Variants in RYR2 observed in about 807,000 individuals in gnomAD.
RYR2 encodes the protein ryanodine receptor 2, also known as cardiac muscle ryanodine receptor-calcium release channel.
RYR2 carries 227 observed loss-of-function variants against 601.1 expected under a neutral mutation model. That is an observed-to-expected ratio of 0.38 (90% CI 0.34 to 0.42). The LOEUF (loss-of-function observed/expected upper bound fraction) is 0.42, where lower values mean the gene tolerates loss of function less well. RYR2 is among the 10% of genes least tolerant of loss of function. The probability of loss-of-function intolerance (pLI) is 1.00; values close to 1 mark genes in which losing one functional copy is unlikely to be tolerated. For missense variants in RYR2, 4,646 were observed against 6,156.5 expected, an observed-to-expected ratio of 0.75 and a Z score of 8.21; for synonymous variants, 2,223 against 2,175.1, an observed-to-expected ratio of 1.02 and a Z score of -0.61.
intron 1 of RYR2, among the ~76,000 whole-genome samples, chr1:237,217,033 G>T (rs1683266457): frequency 6.6e-6 from 1 of 152,174 alleles, no homozygotes; most frequent in African/African-American, 2.4e-5. Context: ...AAGAAGCAGG[G>T]TTCTTACAAA....
At chr1:237,503,588 T>C (rs1262818174) in intron 22 of RYR2, 83 bp downstream of exon 22, 13 of 1,329,466 alleles carry the variant, frequency 9.8e-6, no homozygotes, top group Middle Eastern at 2.5e-4. Context: ...CCACAACCCA[T>C]AGGAACGAAT....
chr1:237,721,337 G>A (rs1051353774), intron 73 of RYR2, among the ~76,000 whole-genome samples: 1 of 152,068 alleles, frequency 6.6e-6, no homozygotes, highest in African/African-American at 2.4e-5. Context: ...CCTATACAAA[G>A]CTCTATCTGT....
intron 2 of RYR2, among the ~76,000 whole-genome samples, chr1:237,316,606 T>C (rs1305664218): frequency 6.6e-6 from 1 of 152,220 alleles, no homozygotes; most frequent in Admixed American, 6.5e-5. Context: ...GGCAGCACCA[T>C]CTGTGCGTTG....
At chr1:237,520,202 T>C (rs10925439) in intron 24 of RYR2, among the ~76,000 whole-genome samples, 36,223 of 152,144 alleles carry the variant, frequency 0.24, 4,776 homozygotes, top group South Asian at 0.39. Flanking sequence ...TAAGAGTTTT[T>C]TGTGGCATCT....
chr1:237,589,780 T>C lies in RYR2; in HGVS notation c.3599-13T>C, dbSNP rs1420645453. 4 of 1,612,814 alleles carry C rather than the reference T, an allele frequency of 2.5e-6. No homozygotes were observed. In the African/African-American group the frequency reaches 5.3e-5, roughly 22 times the overall value. ...CTAATGGTACTAAAACTTGATTTTT[T>C]TTTTCTTCCCAGGATTCATACCTGT... On this transcript the variant is annotated splice_polypyrimidine_tract_variant and intron_variant, in intron 29 of 104. Coordinates refer to ENST00000366574, the MANE Select transcript of RYR2 (RefSeq NM_001035.3).
At chr1:237,251,554 C>T (rs1687466647) in intron 1 of RYR2, among the ~76,000 whole-genome samples, 1 of 152,162 alleles carries the variant, frequency 6.6e-6, no homozygotes, top group African/African-American at 2.4e-5. Flanking sequence ...AATTCCTCCC[C>T]TCTTTCCAAC....
In RYR2 at chr1:237,660,085, T is replaced by G. The variant is rs749140112; in HGVS notation, c.8298+11T>G. On this transcript the variant is annotated intron_variant, in intron 55 of 104. Transcript: ENST00000366574. ...CTATTGTCTGAAAAGGTAAGGATTTTTTGTTTGTTTTAGTTTGTAAAGTTT... is the reference window on the plus strand; with the variant it reads ...CTATTGTCTGAAAAGGTAAGGATTTGTTGTTTGTTTTAGTTTGTAAAGTTT... The G allele has an allele frequency of 4.8e-6, 7 of 1,458,790 alleles. No individual in the cohort carries two copies. Among genetic ancestry groups the G allele is most frequent in the Non-Finnish European group, 6.4e-6 (7 of 1,095,490 alleles). 90.4% of individuals were successfully genotyped at this position (1,458,790 alleles called of 1,614,324 possible). A position where few individuals can be genotyped will look rare whatever the true frequency, so the allele number is the denominator to read the frequency against.
chr1:237,594,886 G>GTTTTTTTTTTTTTTTTTTT (rs776702428), intron 33 of RYR2, among the ~76,000 whole-genome samples: 4 of 60,420 alleles, frequency 6.6e-5, no homozygotes, highest in Admixed American at 2.3e-4. Flanking sequence ...ATATCACTGG[G>GTTTTTTTTTTTTTTTTTTT]TTTTTTTTTT....
In RYR2 at chr1:237,343,921, A is replaced by G. The variant is rs113403577; in HGVS notation, c.274-12044A>G. Among the ~76,000 whole-genome samples the G allele has an allele frequency of 6.2e-3, 936 of 151,948 alleles. 7 individuals carry two copies. Among genetic ancestry groups the G allele is most frequent in the African/African-American group, 0.022 (908 of 41,432 alleles). ...CTGCAACCTCTGCCTCCTGGTTTAAAGCGATTCTCCTGCCTCAGCCTCCCA... is the reference window on the plus strand; with the variant it reads ...CTGCAACCTCTGCCTCCTGGTTTAAGGCGATTCTCCTGCCTCAGCCTCCCA... On this transcript the variant is annotated intron_variant, in intron 3 of 104. Coordinates refer to ENST00000366574, the MANE Select transcript of RYR2 (RefSeq NM_001035.3).
intron 35 of RYR2, among the ~76,000 whole-genome samples, chr1:237,609,925 C>T (rs998834189): frequency 1.4e-5 from 2 of 145,816 alleles, no homozygotes; most frequent in Admixed American, 6.6e-5. Context: ...AGTATTTAAA[C>T]CAGTACTTGG....
At chr1:237,584,177 G>A (rs1674247146) in intron 29 of RYR2, among the ~76,000 whole-genome samples, 3 of 152,144 alleles carry the variant, frequency 2.0e-5, no homozygotes, top group Non-Finnish European at 4.4e-5. Context: ...TGTGCTGGGG[G>A]AGAGGCATGA....
At chr1:237,212,620 A>G (rs1173772016) in intron 1 of RYR2, among the ~76,000 whole-genome samples, 1 of 152,148 alleles carries the variant, frequency 6.6e-6, no homozygotes, top group African/African-American at 2.4e-5. Context: ...AATGAAAAGG[A>G]AACGTAGAAA....
At position 237,742,281 on chromosome 1, in the gene RYR2, T is replaced by C; in HGVS notation, c.11092-15T>C. On this transcript the variant is annotated splice_polypyrimidine_tract_variant and intron_variant, in intron 79 of 104. Transcript: ENST00000366574. The stretch of plus-strand genomic sequence containing the variant: ...CATATTCCTGTCTCCTTTTTTTTTT[T>C]TTTTAAATATACAGAGTTGTCATGA... 1 of 1,511,424 alleles carries C rather than the reference T, an allele frequency of 6.6e-7. No homozygotes were observed. The highest frequency in any genetic ancestry group is 8.9e-7 in the Non-Finnish European group (1 of 1,127,854). 93.6% of individuals were successfully genotyped at this position (1,511,424 alleles called of 1,614,324 possible). A position where few individuals can be genotyped will look rare whatever the true frequency, so the allele number is the denominator to read the frequency against.
intron 45 of RYR2, 148 bp from the exon 46 acceptor site, chr1:237,638,867 C>T (rs1681150142): frequency 2.1e-6 from 2 of 969,034 alleles, no homozygotes; most frequent in South Asian, 1.7e-5. Context: ...ATACTTAATG[C>T]TAGCAATTAG....
intron 71 of RYR2, among the ~76,000 whole-genome samples, chr1:237,713,327 C>A (rs1308508182): frequency 6.6e-6 from 1 of 152,034 alleles, no homozygotes; most frequent in Non-Finnish European, 1.5e-5. Flanking sequence ...TAGATAAGAA[C>A]CTCTCAATTT....
At chr1:237,616,389 CTGAA>C (rs1410831527) in intron 37 of RYR2, among the ~76,000 whole-genome samples, 1 of 152,164 alleles carries the variant, frequency 6.6e-6, no homozygotes, top group African/African-American at 2.4e-5. Flanking sequence ...CAGCTAATCA[CTGAA>C]TGAATGAGCA....
chr1:237,211,952 G>A (rs995284803), intron 1 of RYR2, among the ~76,000 whole-genome samples: 1 of 152,152 alleles, frequency 6.6e-6, no homozygotes, highest in African/African-American at 2.4e-5. Flanking sequence ...TTAGATGAGA[G>A]AAGTTAAAAT....
rs115132821 is a variant in RYR2 at position 237,788,315 on chromosome 1, C to T, written c.13476+180C>T. Among the ~76,000 whole-genome samples, 795 of 152,162 alleles carry T rather than the reference C, an allele frequency of 5.2e-3. 7 individuals are homozygous for T. Among genetic ancestry groups the T allele is most frequent in the African/African-American group, 0.018 (752 of 41,498 alleles). On this transcript the variant is annotated intron_variant, in intron 92 of 104. Transcript: ENST00000366574. ...TTTATAGTGAATGTCTCTGGCCCAC[C>T]GCTCCCTACTGTCAAACCCATAACC...
intron 83 of RYR2, 72 bp from the exon 84 acceptor site, chr1:237,760,883 A>G: frequency 1.1e-6 from 1 of 899,798 alleles, no homozygotes; most frequent in Non-Finnish European, 1.8e-6. Context: ...TGGTGTTTAG[A>G]TGTTTGCTCT....
Sources: allele counts gnomAD v4.1 joint callset (sites outside exome capture counted in the v4.1 genomes callset), GRCh38; gene constraint gnomAD v4.1.1; transcripts MANE v1.5; gene names NCBI Gene and HGNC (gene_info 2026-07-23, HGNC 2026-07-21).